LYRM4: variants seen among roughly 807,000 people sequenced by gnomAD.
LYRM4 encodes the protein LYR motif-containing protein 4.
A neutral mutation model predicts 11.7 loss-of-function variants in LYRM4; 9 were observed. That is an observed-to-expected ratio of 0.77 (90% confidence interval 0.46 to 1.34). The LOEUF is 1.34. LYRM4 is among the 40% of genes most tolerant of loss of function. LYRM4 has a pLI of 0.00. For missense variants in LYRM4, 133 were observed against 112.5 expected (o/e 1.18, Z -0.82); for synonymous variants, 42 against 40.4 (o/e 1.04, Z -0.15).
At chr6:5,192,436 C>T (rs1028750074) in intron 2 of LYRM4, among the ~76,000 whole-genome samples, 1 of 152,118 alleles carries the variant, frequency 6.6e-6, no homozygotes, top group African/African-American at 2.4e-5. Flanking sequence ...CTTACTCAGT[C>T]CCCCCAAAGA....
chr6:5,096,850 G>A, the LYRM4 span, among the ~76,000 whole-genome samples: 1 of 152,270 alleles, frequency 6.6e-6, no homozygotes, highest in Non-Finnish European at 1.5e-5. Flanking sequence ...TTATTCTGAG[G>A]ATAAACACTG....
chr6:5,144,215 G>T, intron 2 of LYRM4: 6 of 1,536,968 alleles, frequency 3.9e-6, no homozygotes, highest in Non-Finnish European at 5.2e-6. Context: ...CCAGGCTCCG[G>T]CTGCTGTTCC....
chr6:5,144,170 G>A (rs1325996326), intron 2 of LYRM4: 2 of 1,536,670 alleles, frequency 1.3e-6, no homozygotes, highest in Admixed American at 2.0e-5. Context: ...CGTCTGTCAG[G>A]TGGTTTCCTC....
intron 1 of LYRM4, among the ~76,000 whole-genome samples, chr6:5,238,977 C>A (rs1020127827): frequency 1.3e-5 from 2 of 152,172 alleles, no homozygotes; most frequent in East Asian, 1.9e-4. Flanking sequence ...CTTCTGATAA[C>A]CCATTATGCT....
At chr6:5,085,752 C>T in the LYRM4 span, 1 of 1,537,998 alleles carries the variant, frequency 6.5e-7, no homozygotes, top group East Asian at 2.5e-5. Flanking sequence ...CCTTGCCCGC[C>T]GACCCCATCT....
intron 1 of LYRM4, among the ~76,000 whole-genome samples, chr6:5,259,734 T>A (rs566644005): frequency 4.6e-5 from 7 of 152,282 alleles, no homozygotes; most frequent in African/African-American, 1.7e-4. Context: ...AGAGATGAGT[T>A]GATCCAACCA....
At chr6:5,172,933 T>C (rs1164119421) in intron 2 of LYRM4, among the ~76,000 whole-genome samples, 2 of 152,182 alleles carry the variant, frequency 1.3e-5, no homozygotes, top group Admixed American at 6.5e-5. Flanking sequence ...CCTCCCCAAA[T>C]GATCTGGAGT....
chr6:5,099,133 G>A (rs185262423), downstream of LYRM4, among the ~76,000 whole-genome samples: 2 of 152,106 alleles, frequency 1.3e-5, no homozygotes, highest in Non-Finnish European at 2.9e-5. The surrounding 1 kb of genome is among the most constrained non-coding windows in gnomAD (Gnocchi z 4.3). Context: ...TACAATCTGG[G>A]CAGTGCATCT....
At chr6:5,039,375 T>G in the LYRM4 span, among the ~76,000 whole-genome samples, 1 of 152,186 alleles carries the variant, frequency 6.6e-6, no homozygotes, top group African/African-American at 2.4e-5. Flanking sequence ...ATATTCCTGC[T>G]TTCATGAAAG....
Position 5,144,089 on chromosome 6 carries a change from G to C in LYRM4, c.208-34598C>G. 2.0e-6 allele frequency: 3 copies of C among 1,502,196 alleles called. No homozygotes were observed. The South Asian group carries it at 3.7e-5, about 19-fold the overall frequency. The allele number at this position is 1,502,196 out of a possible 1,614,324, so 93.1% of individuals were successfully genotyped here. A position where few individuals can be genotyped will look rare whatever the true frequency, so the allele number is the denominator to read the frequency against. ...TACTCCAGAAAAAGAAATGCTTAGA[G>C]AGGTGAGAGCGATCTGATCTGATGT... On this transcript the variant is annotated intron_variant, in intron 2 of 2. Transcript: ENST00000330636.
intron 1 of LYRM4, among the ~76,000 whole-genome samples, chr6:5,228,422 G>T (rs138784582): frequency 4.5e-4 from 69 of 152,076 alleles, no homozygotes; most frequent in Middle Eastern, 3.4e-3. Flanking sequence ...GACTACAGGT[G>T]CATGCCACCA....
intron 1 of LYRM4, among the ~76,000 whole-genome samples, chr6:5,235,818 A>G: frequency 6.6e-6 from 1 of 152,224 alleles, no homozygotes; most frequent in Non-Finnish European, 1.5e-5. Flanking sequence ...TTGGTTACAA[A>G]GTGGTTTCAT....
At chr6:5,194,217 C>T (rs1451923476) in intron 2 of LYRM4, among the ~76,000 whole-genome samples, 8 of 152,158 alleles carry the variant, frequency 5.3e-5, no homozygotes, top group Non-Finnish European at 1.0e-4. Flanking sequence ...GTTACCTCTT[C>T]TTATAAACTG....
the LYRM4 span, among the ~76,000 whole-genome samples, chr6:5,048,376 C>T: frequency 2.1e-4 from 31 of 150,124 alleles, 1 homozygote; most frequent in African/African-American, 7.1e-4. Context: ...ATTGCAGTGA[C>T]GTGATCATAT....
chr6:5,039,825 A>G, the LYRM4 span, among the ~76,000 whole-genome samples: 1 of 152,320 alleles, frequency 6.6e-6, no homozygotes, highest in African/African-American at 2.4e-5. Context: ...AGAACTAAAT[A>G]AAAGAAATTC....
chr6:5,131,140 A>T (rs1763933671), intron 2 of LYRM4, among the ~76,000 whole-genome samples: 1 of 152,222 alleles, frequency 6.6e-6, no homozygotes, highest in South Asian at 2.1e-4. Context: ...ATATTTGACA[A>T]GGCAGAATTG....
intron 2 of LYRM4, among the ~76,000 whole-genome samples, chr6:5,146,387 A>AT (rs576214603): frequency 2.2e-4 from 33 of 151,980 alleles, no homozygotes; most frequent in African/African-American, 5.3e-4. Context: ...TGTTACCTTC[A>AT]TTTTTTTTAT....
chr6:5,229,634 A>AC (rs71781720), intron 1 of LYRM4, among the ~76,000 whole-genome samples: 7,455 of 152,302 alleles, frequency 0.049, 597 homozygotes, highest in African/African-American at 0.16. Context: ...TCCAATAAAA[A>AC]CAGTCAGAGA....
intron 1 of LYRM4, among the ~76,000 whole-genome samples, chr6:5,233,414 A>T (rs1763357544): frequency 6.6e-6 from 1 of 152,232 alleles, no homozygotes; most frequent in South Asian, 2.1e-4. Context: ...ATATTAAAGC[A>T]GTGGAGAAGC....
Sources: allele counts gnomAD v4.1 joint callset (sites outside exome capture counted in the v4.1 genomes callset), GRCh38; gene constraint gnomAD v4.1.1; non-coding constraint Gnocchi (gnomAD v3.1); transcripts MANE v1.5; gene names NCBI Gene and HGNC (gene_info 2026-07-23, HGNC 2026-07-21).